OSBPL10: variants seen among roughly 807,000 people sequenced by gnomAD.
OSBPL10 encodes the protein oxysterol binding protein like 10.
A neutral mutation model predicts 81.7 loss-of-function variants in OSBPL10; 49 were observed. The observed-to-expected ratio is 0.60, with a 90% CI of 0.48 to 0.76. OSBPL10 has a LOEUF of 0.76. Ranked by LOEUF, OSBPL10 falls within the 30% of genes least tolerant of loss-of-function variation. The pLI, the probability that OSBPL10 is intolerant of heterozygous loss-of-function variation, is 0.00. For synonymous variants in OSBPL10, 419 were observed against 383.6 expected (o/e 1.09, Z -1.08); for missense variants, 923 against 987.8 (o/e 0.93, Z 0.88).
At chr3:31,743,820 C>A (rs1432915019) in intron 5 of OSBPL10, among the ~76,000 whole-genome samples, 1 of 152,184 alleles carries the variant, frequency 6.6e-6, no homozygotes, top group Non-Finnish European at 1.5e-5. Context: ...ATTTTGATTT[C>A]CATCAGCCCA....
intron 6 of OSBPL10, chr3:31,704,203 C>T (rs1213183718): frequency 1.3e-5 from 2 of 152,396 alleles, no homozygotes; most frequent in African/African-American, 4.8e-5. Context: ...GGCCTGTCCT[C>T]CTGGCTCTCC....
intron 1 of OSBPL10, among the ~76,000 whole-genome samples, chr3:31,938,532 T>G (rs1697445565): frequency 6.6e-6 from 1 of 152,160 alleles, no homozygotes; most frequent in Non-Finnish European, 1.5e-5. Context: ...TTTGTTTAGA[T>G]AGAGCCCACT....
chr3:31,880,521 A>C (rs1432136998), intron 1 of OSBPL10, among the ~76,000 whole-genome samples: 2 of 152,182 alleles, frequency 1.3e-5, no homozygotes, highest in African/African-American at 4.8e-5. Flanking sequence ...TAATTTTCTC[A>C]AGCTATTACC....
chr3:31,670,489 C>G (rs1700295933), intron 9 of OSBPL10, among the ~76,000 whole-genome samples: 1 of 152,126 alleles, frequency 6.6e-6, no homozygotes, highest in African/African-American at 2.4e-5. Context: ...GATTCAATCA[C>G]TTTAGAGCAA....
intron 2 of OSBPL10, among the ~76,000 whole-genome samples, chr3:32,031,733 C>T (rs981606450): frequency 4.6e-5 from 7 of 152,078 alleles, no homozygotes; most frequent in East Asian, 1.9e-4. Flanking sequence ...GGATTACAGG[C>T]GTAAGCCACC....
chr3:31,990,267 A>G (rs746337103), intron 2 of OSBPL10: 10 of 1,614,082 alleles, frequency 6.2e-6, no homozygotes, highest in South Asian at 1.1e-5. Flanking sequence ...GTATAGGGAA[A>G]CTTTATAAAT....
intron 4 of OSBPL10, among the ~76,000 whole-genome samples, chr3:31,829,516 G>A (rs565047029): frequency 2.2e-4 from 34 of 152,262 alleles, no homozygotes; most frequent in African/African-American, 7.0e-4. Flanking sequence ...ACTGAGGTTC[G>A]GGGCTGTCAG....
intron 3 of OSBPL10, among the ~76,000 whole-genome samples, chr3:31,861,194 T>C (rs189251448): frequency 7.9e-5 from 12 of 152,246 alleles, no homozygotes; most frequent in African/African-American, 2.6e-4. Context: ...TTGGGGGTCA[T>C]TAGGAAATTG....
intron 4 of OSBPL10, among the ~76,000 whole-genome samples, chr3:31,769,115 A>G (rs1698282652): frequency 6.6e-6 from 1 of 152,160 alleles, no homozygotes; most frequent in Non-Finnish European, 1.5e-5. Context: ...TTAAGAATGA[A>G]CAGAGGAGAC....
intron 2 of OSBPL10, among the ~76,000 whole-genome samples, chr3:32,044,771 G>A (rs1042951656): frequency 7.8e-5 from 11 of 141,852 alleles, no homozygotes; most frequent in Admixed American, 5.0e-4. Flanking sequence ...AAAAGATTCT[G>A]AATCCTAAAT....
At chr3:32,066,161 A>AAAGGAAGGAAGGAAGG (rs58902796) in intron 1 of OSBPL10, among the ~76,000 whole-genome samples, 15 of 53,492 alleles carry the variant, frequency 2.8e-4, no homozygotes, top group African/African-American at 6.0e-4. Flanking sequence ...AGAAAGGAAG[A>AAAGGAAGGAAGGAAGG]AAGGAAGGAA....
At chr3:31,693,620 A>G (rs1695622456) in intron 7 of OSBPL10, among the ~76,000 whole-genome samples, 1 of 152,306 alleles carries the variant, frequency 6.6e-6, no homozygotes, top group East Asian at 1.9e-4. Context: ...ACTTGCTTTG[A>G]CAAACAGTTT....
chr3:31,857,999 G>GT (rs11290287), intron 3 of OSBPL10, among the ~76,000 whole-genome samples: 130 of 139,736 alleles, frequency 9.3e-4, no homozygotes, highest in Middle Eastern at 3.9e-3. Context: ...CACAGCCTGT[G>GT]TTTTTTTTTT....
intron 2 of OSBPL10, among the ~76,000 whole-genome samples, chr3:32,031,344 T>A (rs1042374007): frequency 5.3e-5 from 8 of 152,114 alleles, no homozygotes; most frequent in Non-Finnish European, 1.0e-4. Flanking sequence ...ATTTAAAACT[T>A]TTTTATTTTC....
At chr3:31,928,159 A>T (rs995562486) in intron 1 of OSBPL10, among the ~76,000 whole-genome samples, 2 of 152,138 alleles carry the variant, frequency 1.3e-5, no homozygotes, top group Non-Finnish European at 2.9e-5. Flanking sequence ...AATAATGGAG[A>T]TTTGCGGATG....
chr3:32,045,719 G>A (rs975089940), intron 2 of OSBPL10, among the ~76,000 whole-genome samples: 1 of 152,184 alleles, frequency 6.6e-6, no homozygotes, highest in African/African-American at 2.4e-5. Flanking sequence ...GTGAAGCTAA[G>A]CTTCCTCCCT....
chr3:31,782,859 C>T (rs1698733496), intron 4 of OSBPL10, among the ~76,000 whole-genome samples: 1 of 151,958 alleles, frequency 6.6e-6, no homozygotes, highest in Admixed American at 6.6e-5. Context: ...CTAGCGTAAC[C>T]ATTATGGAAA....
intron 4 of OSBPL10, among the ~76,000 whole-genome samples, chr3:31,815,233 GC>G (rs869170137): frequency 2.0e-5 from 3 of 150,106 alleles, no homozygotes; most frequent in African/African-American, 7.4e-5. Flanking sequence ...TGCTCTTCCC[GC>G]CCCCCAATAA....
chr3:31,877,889 A>G (rs1005932094), intron 2 of OSBPL10, among the ~76,000 whole-genome samples: 1 of 152,192 alleles, frequency 6.6e-6, no homozygotes, highest in Non-Finnish European at 1.5e-5. Context: ...AAGAATTGCC[A>G]GTTTGTGGCA....
Sources: gnomAD v4.1 joint callset for allele counts (sites outside exome capture counted in the v4.1 genomes callset) on GRCh38, gnomAD v4.1.1 for gene constraint, MANE v1.5 for transcripts, NCBI Gene and HGNC (gene_info 2026-07-23, HGNC 2026-07-21) for gene names.